The following HPS5 variants were observed in gnomAD, a reference collection of about 807,000 sequenced individuals.
HPS5 encodes the protein BLOC-2 complex member HPS5.
In HPS5, 83 loss-of-function variants were observed where a neutral mutation model predicts 128.0. The observed-to-expected ratio is 0.65, with a 90% CI of 0.54 to 0.78. HPS5 has a LOEUF of 0.78. Ranked by LOEUF, HPS5 falls within the 30% of genes least tolerant of loss-of-function variation. HPS5 has a pLI of 0.00. For missense variants in HPS5, 1,281 were observed against 1,326.2 expected (o/e 0.97, Z 0.53); for synonymous variants, 475 against 470.2 (o/e 1.01, Z -0.13).
intron 21 of HPS5, among the ~76,000 whole-genome samples, chr11:18,283,108 T>C (rs1859234504): frequency 6.6e-6 from 1 of 152,042 alleles, no homozygotes; most frequent in Non-Finnish European, 1.5e-5. Flanking sequence ...TTCAAGCAAT[T>C]CTCCTGCCTC....
In HPS5 at chr11:18,319,647, G is replaced by A. The variant is rs77225627; in HGVS notation, c.-49-1740C>T. 9.4e-3 allele frequency among the ~76,000 whole-genome samples: 1,433 copies of A among 152,270 alleles called. 14 individuals carry two copies. The highest frequency in any genetic ancestry group is 0.033 in the African/African-American group (1,378 of 41,566). ...CCTGAACTTAACTTGGCAGGCAACA[G>A]AAAGGAATTGAAGAATTGTGTGTTG... On this transcript the variant is annotated intron_variant, in intron 1 of 22. Transcript: ENST00000349215.
chr11:18,281,669 G>A (rs1858985896), intron 22 of HPS5, among the ~76,000 whole-genome samples: 1 of 152,026 alleles, frequency 6.6e-6, no homozygotes, highest in African/African-American at 2.4e-5. Context: ...CTCACAAAGT[G>A]CAAGGATTAC....
rs149512871 is a variant in HPS5 at position 18,298,936 on chromosome 11, C to A, written c.1020G>T (p.Leu340Phe). 3.4e-4 allele frequency: 554 copies of A among 1,614,084 alleles called. No individual in the cohort carries two copies. Among genetic ancestry groups the A allele is most frequent in the Non-Finnish European group, 4.5e-4 (530 of 1,180,046 alleles). Residue 340 changes from leucine to phenylalanine, a missense_variant, in exon 10 of 23, where the codon TTG becomes TTT. Physicochemically the swap from Leu to Phe is conservative, Grantham distance 22. Transcript: ENST00000349215. ...CTTTCCCATTTAGGTGCAAACAGAA[C>A]AATTCATTCCTACAGACAGCCACAT... The part of the protein sequence containing the change: ...IQDVAVCRNE[L>F]FCLHLNGKVS...
intron 4 of HPS5, 131 bp from the exon 5 acceptor site, chr11:18,311,064 A>C (rs1185762358): frequency 2.7e-6 from 2 of 743,252 alleles, no homozygotes; most frequent in South Asian, 3.1e-5. Flanking sequence ...TATTATAAAA[A>C]GTCAAGGTAT....
rs1861004855 is a variant in HPS5 at position 18,295,886 on chromosome 11, T to A, written c.1634+113A>T. 3.4e-6 allele frequency: 4 copies of A among 1,164,590 alleles called. No individual in the cohort carries two copies. In the East Asian group the frequency reaches 7.2e-5, roughly 21 times the overall value. 72.1% of individuals were successfully genotyped at this position (1,164,590 alleles called of 1,614,324 possible). On this transcript the variant is annotated intron_variant, in intron 13 of 22. Coordinates refer to ENST00000349215, the MANE Select transcript of HPS5 (RefSeq NM_181507.2). Reference sequence around the variant, plus strand: ...TAATAGCTCCATATGACAAGTTATATGGAAAACAAGAGACTTCCTTTTTCT... The same window carrying A: ...TAATAGCTCCATATGACAAGTTATAAGGAAAACAAGAGACTTCCTTTTTCT...
At chr11:18,321,448 G>C (rs965729581) in intron 1 of HPS5, among the ~76,000 whole-genome samples, 1 of 152,212 alleles carries the variant, frequency 6.6e-6, no homozygotes, top group Non-Finnish European at 1.5e-5. Flanking sequence ...GAACATAGAA[G>C]TTGGCGACAA....
At chr11:18,312,088 G>T in intron 2 of HPS5, 64 bp from the exon 3 acceptor site, 1 of 1,243,548 alleles carries the variant, frequency 8.0e-7, no homozygotes, top group South Asian at 1.2e-5. Flanking sequence ...ACTATCCACT[G>T]AAAATAAATA....
Position 18,297,594 on chromosome 11 carries a change from C to G in HPS5, c.1288G>C (p.Ala430Pro), listed in dbSNP as rs1267382352. The G allele has an allele frequency of 1.2e-6, 2 of 1,613,856 alleles. No individual in the cohort carries two copies. The highest frequency in any genetic ancestry group is 1.7e-6 in the Non-Finnish European group (2 of 1,179,898). ...LILKFEPLDS[A>P]CSSRRSSISS... ...ATGGAGCTTCTTCTACTGCTACAAG[C>G]TGAATCCAAAGGTTCAAATTTTAAG... The change falls in exon 11 of 23, where the codon GCT becomes CCT. Residue 430 changes from alanine (A) to proline (P), a missense_variant. Coordinates refer to ENST00000349215, the MANE Select transcript of HPS5 (RefSeq NM_181507.2).
intron 12 of HPS5, chr11:18,296,435 A>C (rs1178923679): frequency 7.3e-6 from 4 of 548,230 alleles, no homozygotes; most frequent in Non-Finnish European, 1.3e-5. Flanking sequence ...TCGAAAAAGG[A>C]AGGCAATGAC....
chr11:18,295,505 C>T (rs1216329991), intron 13 of HPS5, among the ~76,000 whole-genome samples: 1 of 152,198 alleles, frequency 6.6e-6, no homozygotes, highest in African/African-American at 2.4e-5. Context: ...CAAAGAATTG[C>T]TTCATGTAAA....
intron 20 of HPS5, 71 bp from the exon 21 acceptor site, chr11:18,283,972 C>T: frequency 1.1e-6 from 1 of 936,720 alleles, no homozygotes; most frequent in South Asian, 1.3e-5. Flanking sequence ...CTGCCCAAAA[C>T]AGTAGACACA....
intron 14 of HPS5, 63 bp from the exon 15 acceptor site, chr11:18,293,039 T>TTG (rs2134297865): frequency 7.6e-7 from 1 of 1,309,916 alleles, no homozygotes; most frequent in Non-Finnish European, 1.1e-6. Flanking sequence ...GAGCTTTTTT[T>TTG]GAGACAGGGT....
intron 22 of HPS5, among the ~76,000 whole-genome samples, chr11:18,281,022 T>C (rs558260117): frequency 6.6e-6 from 1 of 151,914 alleles, no homozygotes; most frequent in Non-Finnish European, 1.5e-5. Flanking sequence ...AGATGATAAA[T>C]TTTATGTGTA....
chr11:18,308,923 T>C, intron 6 of HPS5, 23 bp downstream of exon 6: 1 of 1,613,218 alleles, frequency 6.2e-7, no homozygotes, highest in Non-Finnish European at 8.5e-7. Flanking sequence ...GCATTTCTGA[T>C]GACTAATGGT....
intron 22 of HPS5, among the ~76,000 whole-genome samples, chr11:18,281,139 G>T (rs998679651): frequency 6.6e-5 from 10 of 150,442 alleles, no homozygotes; most frequent in African/African-American, 2.5e-4. Flanking sequence ...GTGCAATGGC[G>T]TGATCTTGGC....
chr11:18,313,324 C>T (rs971610577), intron 2 of HPS5, among the ~76,000 whole-genome samples: 2 of 152,250 alleles, frequency 1.3e-5, no homozygotes, highest in Non-Finnish European at 2.9e-5. Context: ...TCTGCACCCA[C>T]GCCTGGGGGC....
chr11:18,308,874 G>A, intron 6 of HPS5, 72 bp downstream of exon 6: 1 of 1,449,786 alleles, frequency 6.9e-7, no homozygotes. Context: ...TGGGGCTTGG[G>A]GTAGATAACT....
chr11:18,319,820 CGTT>C (rs936526460), intron 1 of HPS5, among the ~76,000 whole-genome samples: 5 of 152,030 alleles, frequency 3.3e-5, no homozygotes, highest in African/African-American at 1.2e-4. Context: ...CCTCTCTTGA[CGTT>C]ATTATTGGGG....
At chr11:18,309,838 A>C (rs951941604) in intron 5 of HPS5, among the ~76,000 whole-genome samples, 10 of 152,042 alleles carry the variant, frequency 6.6e-5, no homozygotes, top group African/African-American at 2.4e-4. Context: ...CTGTCTCTAC[A>C]AAAGTTTTTA....
Sources: allele counts gnomAD v4.1 joint callset (sites outside exome capture counted in the v4.1 genomes callset), GRCh38; gene constraint gnomAD v4.1.1; transcripts MANE v1.5; gene names NCBI Gene and HGNC (gene_info 2026-07-23, HGNC 2026-07-21).